The following KATNIP variants were observed in gnomAD, a reference collection of about 807,000 sequenced individuals.
KATNIP encodes the protein katanin interacting protein.
A neutral mutation model predicts 174.0 loss-of-function variants in KATNIP; 126 were observed. The ratio of observed to expected loss-of-function variants is 0.72; its 90% confidence interval spans 0.63 to 0.84. KATNIP has a LOEUF of 0.84. Ranked by LOEUF, KATNIP falls within the 40% of genes least tolerant of loss-of-function variation. The probability of loss-of-function intolerance (pLI) is 0.00; values close to 1 mark genes in which losing one functional copy is unlikely to be tolerated. For synonymous variants in KATNIP, 810 were observed against 835.7 expected (o/e 0.97, Z 0.53); for missense variants, 1,958 against 2,109.7 (o/e 0.93, Z 1.41).
At chr16:27,694,300 C>T (rs2078840479) in intron 8 of KATNIP, among the ~76,000 whole-genome samples, 1 of 152,104 alleles carries the variant, frequency 6.6e-6, no homozygotes, top group South Asian at 2.1e-4. Flanking sequence ...TCGACAGGAG[C>T]CCTTAATAAT....
At chr16:27,754,284 AAGG>A (rs763124312) in intron 18 of KATNIP, 33 bp downstream of exon 18, 1 of 1,575,998 alleles carries the variant, frequency 6.3e-7, no homozygotes, top group South Asian at 1.1e-5. Context: ...TGTTGGGTGG[AAGG>A]AGGACCTTCC....
At chr16:27,685,890 AC>A (rs1194865803) in intron 8 of KATNIP, among the ~76,000 whole-genome samples, 1 of 152,236 alleles carries the variant, frequency 6.6e-6, no homozygotes, top group African/African-American at 2.4e-5. Context: ...GACCAGAGTT[AC>A]CGTTAGAAAT....
intron 20 of KATNIP, among the ~76,000 whole-genome samples, chr16:27,767,457 C>G (rs555054490): frequency 2.6e-5 from 4 of 152,144 alleles, no homozygotes; most frequent in Admixed American, 2.6e-4. Flanking sequence ...TAGAGGCTCA[C>G]GCCTGTAATC....
intron 6 of KATNIP, among the ~76,000 whole-genome samples, chr16:27,652,366 C>T (rs1424188233): frequency 6.6e-6 from 1 of 152,090 alleles, no homozygotes; most frequent in Admixed American, 6.5e-5. Context: ...CGGGATTCTC[C>T]TTAAGTTTGA....
intron 2 of KATNIP, among the ~76,000 whole-genome samples, chr16:27,580,988 A>T (rs1004478808): frequency 1.3e-5 from 2 of 152,142 alleles, no homozygotes; most frequent in African/African-American, 4.8e-5. Flanking sequence ...GCTACTTGGG[A>T]TGCTGAGGTG....
chr16:27,711,202 A>C (rs996339519), intron 13 of KATNIP, among the ~76,000 whole-genome samples: 8 of 152,110 alleles, frequency 5.3e-5, no homozygotes, highest in Non-Finnish European at 1.2e-4. Flanking sequence ...GCTGGCCACC[A>C]CGGGTGTGGT....
intron 7 of KATNIP, 110 bp from the exon 8 acceptor site, chr16:27,681,289 C>A: frequency 7.2e-7 from 1 of 1,384,202 alleles, no homozygotes; most frequent in Non-Finnish European, 1.0e-6. Context: ...AAAGTAGTTC[C>A]GTAGACATTT....
chr16:27,623,613 C>T (rs1171278746), intron 3 of KATNIP, among the ~76,000 whole-genome samples: 2 of 152,102 alleles, frequency 1.3e-5, no homozygotes, highest in Admixed American at 6.6e-5. Context: ...GTGCGGGCCA[C>T]CACATCCAGC....
At chr16:27,572,007 T>A (rs938320586) in intron 1 of KATNIP, among the ~76,000 whole-genome samples, 1 of 151,934 alleles carries the variant, frequency 6.6e-6, no homozygotes, top group Non-Finnish European at 1.5e-5. Flanking sequence ...TGTGTGTGTA[T>A]GTGTGTGTGT....
In KATNIP at chr16:27,774,988, G is replaced by A; in HGVS notation, c.4353G>A (p.Val1451=). Residue 1451 remains valine, a synonymous_variant, in exon 24 of 28, where the codon GTG becomes GTA. Coordinates refer to ENST00000261588, the MANE Select transcript of KATNIP (RefSeq NM_015202.5). ...ACAGCGTGAACTCCCTGGAGGGTGT[G>A]GGCGGGGACGTCCGCACCCCAGACA... ...FPDSVNSLEG[V]GGDVRTPDKL... 6.2e-7 allele frequency: 1 copy of A among 1,613,908 alleles called. No individual in the cohort carries two copies. Among genetic ancestry groups the A allele is most frequent in the Non-Finnish European group, 8.5e-7 (1 of 1,179,932 alleles).
chr16:27,699,298 G>A (rs1186324303), intron 9 of KATNIP, among the ~76,000 whole-genome samples: 2 of 152,194 alleles, frequency 1.3e-5, no homozygotes, highest in Non-Finnish European at 2.9e-5. Flanking sequence ...TGCAAGCCCA[G>A]GGCCCTGTCA....
In KATNIP at chr16:27,740,833, A is replaced by G. The variant is rs1446291208; in HGVS notation, c.2536A>G (p.Asn846Asp). 1 of 1,613,540 alleles carries G rather than the reference A, an allele frequency of 6.2e-7. No individual in the cohort carries two copies. The highest frequency in any genetic ancestry group is 8.5e-7 in the Non-Finnish European group (1 of 1,179,742). Residue 846 changes from asparagine (N) to aspartate (D), a missense_variant, in exon 15 of 28, where the codon AAC (asparagine) becomes GAC (aspartate). Physicochemically the swap from Asn to Asp is conservative, Grantham distance 23. Around this residue, in one of 3 missense-constraint regions of KATNIP, gnomAD observed 1,557 missense variants for 1,617.8 expected, o/e 0.96. Transcript: ENST00000261588. ...CTCAGACATCTTTAACCAGCCCCCC[A>G]ACAGAGAGCGCCCTGCTAGTGGGAG... ...DDSDIFNQPP[N>D]RERPASGRRG...
At chr16:27,756,507 G>A (rs1288614859) in intron 18 of KATNIP, among the ~76,000 whole-genome samples, 1 of 152,196 alleles carries the variant, frequency 6.6e-6, no homozygotes, top group Non-Finnish European at 1.5e-5. Context: ...AGCTGGGAGT[G>A]CAAGCAAAGG....
chr16:27,715,366 C>T (rs2079883488), intron 13 of KATNIP, among the ~76,000 whole-genome samples: 1 of 152,176 alleles, frequency 6.6e-6, no homozygotes, highest in African/African-American at 2.4e-5. Context: ...ATCTTGATAG[C>T]CTTGAATTTG....
intron 13 of KATNIP, among the ~76,000 whole-genome samples, chr16:27,713,717 ATGTG>A (rs1278276195): frequency 8.9e-6 from 1 of 112,016 alleles, no homozygotes; most frequent in African/African-American, 3.8e-5. Flanking sequence ...TATTATATAT[ATGTG>A]TGTGTATTAT....
At chr16:27,663,021 A>G (rs1278848058) in intron 6 of KATNIP, among the ~76,000 whole-genome samples, 1 of 151,128 alleles carries the variant, frequency 6.6e-6, no homozygotes, top group Non-Finnish European at 1.5e-5. Context: ...TTTTTTTTTC[A>G]GCTTATTTCT....
At chr16:27,567,192 C>A in intron 1 of KATNIP, among the ~76,000 whole-genome samples, 1 of 152,174 alleles carries the variant, frequency 6.6e-6, no homozygotes, top group East Asian at 1.9e-4. Context: ...CCACCTGCCC[C>A]ATCTTAGGTC....
At chr16:27,715,957 C>T (rs1415964640) in intron 13 of KATNIP, among the ~76,000 whole-genome samples, 1 of 147,818 alleles carries the variant, frequency 6.8e-6, no homozygotes, top group Non-Finnish European at 1.5e-5. Flanking sequence ...CCCAGGATAA[C>T]TAAAAACATA....
At chr16:27,715,291 A>G (rs1051328327) in intron 13 of KATNIP, among the ~76,000 whole-genome samples, 3 of 152,214 alleles carry the variant, frequency 2.0e-5, no homozygotes, top group Admixed American at 6.5e-5. Flanking sequence ...AACTAACTCA[A>G]TGGATCAAAG....
Sources: gnomAD v4.1 joint callset for allele counts (sites outside exome capture counted in the v4.1 genomes callset) on GRCh38, gnomAD v4.1.1 for gene constraint, gnomAD v4.1.1 regional missense constraint, MANE v1.5 for transcripts, NCBI Gene and HGNC (gene_info 2026-07-23, HGNC 2026-07-21) for gene names.